Variants in PKNOX2 observed in about 807,000 individuals in gnomAD.
PKNOX2 encodes PBX/knotted 1 homeobox 2, also known as homeobox protein PKNOX2.
In PKNOX2, 14 loss-of-function variants were observed where a neutral mutation model predicts 53.1. The ratio of observed to expected loss-of-function variants is 0.26; its 90% CI spans 0.17 to 0.41. The LOEUF (loss-of-function observed/expected upper bound fraction) is 0.41. Among genes scored for constraint, PKNOX2 ranks in the 10% least tolerant of loss-of-function variants. The pLI is 1.00. For synonymous variants in PKNOX2, 257 were observed against 242.8 expected, an observed-to-expected ratio of 1.06 and a Z score of -0.54; for missense variants, 496 against 602.8, an observed-to-expected ratio of 0.82 and a Z score of 1.85.
At chr11:125,170,279 C>T (rs538361390) in intron 1 of PKNOX2, among the ~76,000 whole-genome samples, 3 of 152,338 alleles carry the variant, frequency 2.0e-5, no homozygotes, top group African/African-American at 4.8e-5. Context: ...ATCCTGGAGA[C>T]GCGGCTCTGG....
At chr11:125,292,758 A>C (rs1331874439) in intron 2 of PKNOX2, among the ~76,000 whole-genome samples, 4 of 152,136 alleles carry the variant, frequency 2.6e-5, no homozygotes, top group Non-Finnish European at 5.9e-5. Flanking sequence ...GAGAAGGCTG[A>C]GGTTTCCCTC....
chr11:125,368,241 C>T (rs1457793184), intron 5 of PKNOX2, among the ~76,000 whole-genome samples: 1 of 152,152 alleles, frequency 6.6e-6, no homozygotes, highest in African/African-American at 2.4e-5. Flanking sequence ...GGAGATGACC[C>T]CTAATGGGTA....
chr11:125,287,507 G>A (rs894427717), intron 2 of PKNOX2, among the ~76,000 whole-genome samples: 38 of 152,290 alleles, frequency 2.5e-4, no homozygotes, highest in African/African-American at 7.7e-4. Context: ...CCCATGTGGC[G>A]GGGAGGAAGG....
intron 4 of PKNOX2, among the ~76,000 whole-genome samples, chr11:125,356,981 G>A (rs1226590079): frequency 1.3e-5 from 2 of 152,260 alleles, no homozygotes; most frequent in African/African-American, 4.8e-5. Flanking sequence ...CCTCTGCTCA[G>A]CTGCCTGTGA....
In PKNOX2 at chr11:125,422,918, G is replaced by A. The variant is rs995141495; in HGVS notation, c.937-6094G>A. On this transcript the variant is annotated intron_variant, in intron 10 of 12. Transcript: ENST00000298282. This position sits in a 1 kb window ranked among gnomAD's most constrained non-coding sequence, Gnocchi z 4.1. ...GGAAACAACCTGTGGCTTCTTCAGA[G>A]ACACAGCCACATGCGTCAAGCTACA... is the stretch of plus-strand genomic sequence containing the variant. Among the ~76,000 whole-genome samples the A allele has an allele frequency of 6.6e-6, 1 of 152,160 alleles. No individual in the cohort carries two copies. Among genetic ancestry groups the A allele is most frequent in the Admixed American group, 6.5e-5 (1 of 15,278 alleles).
intron 2 of PKNOX2, among the ~76,000 whole-genome samples, chr11:125,297,838 G>T (rs1947760853): frequency 6.6e-6 from 1 of 152,182 alleles, no homozygotes; most frequent in South Asian, 2.1e-4. Context: ...GCCAGGATGA[G>T]CCTGGTGCCC....
chr11:125,416,872 G>T (rs529435815), intron 10 of PKNOX2, among the ~76,000 whole-genome samples: 2 of 152,114 alleles, frequency 1.3e-5, no homozygotes, highest in South Asian at 4.1e-4. Context: ...TATGTCTGGG[G>T]CTTCTTGTCA....
chr11:125,410,715 C>G (rs1438132862), intron 8 of PKNOX2, 64 bp from the exon 9 acceptor site: 2 of 1,272,294 alleles, frequency 1.6e-6, no homozygotes, highest in East Asian at 4.6e-5. Flanking sequence ...AACTGGGAAC[C>G]CTGCTTGCCC....
At chr11:125,292,488 C>T (rs138018609) in intron 2 of PKNOX2, among the ~76,000 whole-genome samples, 2,604 of 152,102 alleles carry the variant, frequency 0.017, 38 homozygotes, top group Non-Finnish European at 0.024. Flanking sequence ...GGTCCAGGTT[C>T]GGGGAATTCT....
At chr11:125,278,210 C>A (rs1225486344) in intron 2 of PKNOX2, among the ~76,000 whole-genome samples, 1 of 147,826 alleles carries the variant, frequency 6.8e-6, no homozygotes, top group East Asian at 2.0e-4. Context: ...CAGAGTGAGA[C>A]CCTGTCTAAA....
intron 2 of PKNOX2, among the ~76,000 whole-genome samples, chr11:125,291,067 T>G (rs2135908399): frequency 6.6e-6 from 1 of 152,320 alleles, no homozygotes; most frequent in South Asian, 2.1e-4. Context: ...CTCTTCCCAC[T>G]TCTTGCCCTG....
At chr11:125,266,042 G>A (rs1378881106) in intron 2 of PKNOX2, among the ~76,000 whole-genome samples, 1 of 152,166 alleles carries the variant, frequency 6.6e-6, no homozygotes, top group African/African-American at 2.4e-5. Context: ...CTGCCCCGAG[G>A]CAGGTCACTT....
At chr11:125,241,585 G>A (rs747799850) in intron 2 of PKNOX2, among the ~76,000 whole-genome samples, 11 of 152,248 alleles carry the variant, frequency 7.2e-5, no homozygotes, top group Non-Finnish European at 1.3e-4. Context: ...GGACTGGCGC[G>A]GTGGCTCACG....
At chr11:125,302,329 C>T (rs990476624) in intron 2 of PKNOX2, among the ~76,000 whole-genome samples, 6 of 152,228 alleles carry the variant, frequency 3.9e-5, no homozygotes, top group Admixed American at 3.9e-4. Flanking sequence ...CACTGACCAG[C>T]CATGATCTGA....
At chr11:125,326,626 T>C (rs1949833206) in intron 2 of PKNOX2, among the ~76,000 whole-genome samples, 2 of 152,206 alleles carry the variant, frequency 1.3e-5, no homozygotes, top group Admixed American at 6.5e-5. Context: ...TCTGGTGTCT[T>C]TGAGATCAGC....
chr11:125,328,866 G>C (rs887144233), intron 2 of PKNOX2, among the ~76,000 whole-genome samples: 1 of 152,194 alleles, frequency 6.6e-6, no homozygotes, highest in Non-Finnish European at 1.5e-5. Flanking sequence ...CAAAATAAGA[G>C]CAACTACCTG....
intron 2 of PKNOX2, among the ~76,000 whole-genome samples, chr11:125,328,345 GAA>G (rs1949944560): frequency 6.6e-6 from 1 of 151,882 alleles, no homozygotes; most frequent in African/African-American, 2.4e-5. Flanking sequence ...GAGAGAGAGA[GAA>G]AGAGAGAGAG....
intron 1 of PKNOX2, among the ~76,000 whole-genome samples, chr11:125,180,862 G>A (rs1175356844): frequency 6.6e-6 from 1 of 152,134 alleles, no homozygotes. Flanking sequence ...TCTCCCACGA[G>A]GTAAAATGAA....
intron 3 of PKNOX2, among the ~76,000 whole-genome samples, chr11:125,332,960 G>C (rs1486214564): frequency 6.6e-6 from 1 of 152,186 alleles, no homozygotes; most frequent in Non-Finnish European, 1.5e-5. Flanking sequence ...TACAATGAGG[G>C]GTGGGTGGCA....
Sources: allele counts gnomAD v4.1 joint callset (sites outside exome capture counted in the v4.1 genomes callset), GRCh38; gene constraint gnomAD v4.1.1; non-coding constraint Gnocchi (gnomAD v3.1); transcripts MANE v1.5; gene names NCBI Gene and HGNC (gene_info 2026-07-23, HGNC 2026-07-21).